PODN: variants seen among roughly 807,000 people sequenced by gnomAD.
The protein encoded by PODN is podocan proteoglycan.
PODN carries 40 observed loss-of-function variants against 52.7 expected under a neutral mutation model. The observed-to-expected ratio is 0.76, with a 90% CI of 0.59 to 0.99. The LOEUF (loss-of-function observed/expected upper bound fraction) is 0.99. Among genes scored for constraint, PODN ranks in the 50% least tolerant of loss-of-function variants. The pLI is 0.00. For synonymous variants in PODN, 396 were observed against 377.9 expected (o/e 1.05, Z -0.56); for missense variants, 720 against 815.1 (o/e 0.88, Z 1.42).
At chr1:53,063,396 C>A (rs1031698388) in intron 1 of PODN, 24 of 985,668 alleles carry the variant, frequency 2.4e-5, no homozygotes, top group Non-Finnish European at 2.9e-5. Flanking sequence ...GTCTGCCCTG[C>A]TCCACGAGGC....
At chr1:53,083,220 T>G in intron 10 of PODN, among the ~76,000 whole-genome samples, 1 of 150,908 alleles carries the variant, frequency 6.6e-6, no homozygotes, top group African/African-American at 2.4e-5. Context: ...AGGGCAGAGG[T>G]GGGAATGGAG....
Position 53,069,811 on chromosome 1 carries a change from C to T in PODN, c.-45C>T, listed in dbSNP as rs766075943. ...CACTGTACCTCACAGGTTCCGTCAG[C>T]CCTGGCGCCCAGGCGCATCTGACTC... On this transcript the variant is annotated 5_prime_UTR_variant, in exon 2 of 11. Coordinates refer to ENST00000312553, the MANE Select transcript of PODN (RefSeq NM_153703.5). The T allele has an allele frequency of 7.0e-6, 11 of 1,581,218 alleles. No homozygotes were observed. The African/African-American group carries it at 1.2e-4, about 17-fold the overall frequency.
intron 1 of PODN, among the ~76,000 whole-genome samples, chr1:53,068,194 T>A (rs1644061108): frequency 6.6e-6 from 1 of 152,200 alleles, no homozygotes; most frequent in Non-Finnish European, 1.5e-5. Flanking sequence ...ATGATTGTAG[T>A]CACATAAGAG....
At position 53,069,853 on chromosome 1, in the gene PODN, A is replaced by C; in HGVS notation, c.-3A>C. 1 of 1,575,038 alleles carries C rather than the reference A, an allele frequency of 6.3e-7. No individual in the cohort carries two copies. The highest frequency in any genetic ancestry group is 8.6e-7 in the Non-Finnish European group (1 of 1,160,748). The stretch of plus-strand genomic sequence containing the variant: ...ATCTGACTCGGCACCCCCTGCAGGC[A>C]CCATGGCCCAGAGCCGGGTGCTGCT... On this transcript the variant is annotated 5_prime_UTR_variant, in exon 2 of 11. Coordinates refer to ENST00000312553, the MANE Select transcript of PODN (RefSeq NM_153703.5).
In PODN at chr1:53,077,371, G is replaced by A. The variant is rs773296706; in HGVS notation, c.738+25G>A. The A allele has an allele frequency of 3.7e-6, 6 of 1,610,850 alleles. No homozygotes were observed. In the Admixed American group the frequency reaches 1.0e-4, roughly 27 times the overall value. ...GGTGGGCAGGGGAGGGGTAAGGAGG[G>A]GCACAGCAGACCCCACAGCCAGGGC... On this transcript the variant is annotated intron_variant, in intron 6 of 10. Transcript: ENST00000312553.
rs1313348883 is a variant in PODN, at chr1:53,078,840, A to C, written c.1330A>C (p.Thr444Pro). 2 of 1,612,718 alleles carry C rather than the reference A, an allele frequency of 1.2e-6. No homozygotes were observed. Among genetic ancestry groups the C allele is most frequent in the Non-Finnish European group, 1.7e-6 (2 of 1,179,668 alleles). The change falls in exon 8 of 11, where the codon ACG (threonine) becomes CCG (proline). Residue 444 changes from threonine to proline, a missense_variant. By Grantham distance (38) the Thr-to-Pro change is conservative (BLOSUM62 -1). Coordinates refer to ENST00000312553, the MANE Select transcript of PODN (RefSeq NM_153703.5). ...SLDLSGNRLH[T>P]LPPGLPRNVH... ...GGACCTGTCGGGCAACCGGCTGCAC[A>C]CGCTGCCACCTGGGCTGCCTCGAAA...
intron 4 of PODN, 21 bp from the exon 5 acceptor site, chr1:53,075,840 GC>G (rs1384494670): frequency 6.4e-7 from 1 of 1,567,960 alleles, no homozygotes; most frequent in Non-Finnish European, 8.7e-7. Context: ...TGCTCTTTCG[GC>G]CCCAACTCTT....
intron 10 of PODN, among the ~76,000 whole-genome samples, chr1:53,082,909 C>T (rs1271110340): frequency 2.6e-5 from 4 of 152,194 alleles, no homozygotes; most frequent in Admixed American, 1.3e-4. Flanking sequence ...AACACCCATG[C>T]GTACCCACGT....
At chr1:53,078,145 T>C (rs970517321) in intron 7 of PODN, among the ~76,000 whole-genome samples, 2 of 152,162 alleles carry the variant, frequency 1.3e-5, no homozygotes, top group Non-Finnish European at 2.9e-5. Context: ...TAAATAGTGG[T>C]CTTCAAGTAA....
intron 7 of PODN, 44 bp from the exon 8 acceptor site, chr1:53,078,321 A>G: frequency 2.6e-6 from 4 of 1,547,620 alleles, no homozygotes; most frequent in Non-Finnish European, 3.5e-6. Flanking sequence ...AAACGAGCAC[A>G]ATGTGGGCTC....
At chr1:53,066,652 T>C (rs903862176) in intron 1 of PODN, among the ~76,000 whole-genome samples, 2 of 152,158 alleles carry the variant, frequency 1.3e-5, no homozygotes, top group African/African-American at 2.4e-5. Context: ...CAGCGTAGCA[T>C]TGTTGATATG....
intron 9 of PODN, among the ~76,000 whole-genome samples, chr1:53,081,637 C>T (rs976460816): frequency 2.6e-5 from 4 of 152,226 alleles, no homozygotes; most frequent in South Asian, 2.1e-4. Flanking sequence ...CCCTGGCTAC[C>T]GCAGCCCAGG....
chr1:53,074,808 C>CGGGGGGGGGGGGGGGGG, intron 4 of PODN, 138 bp downstream of exon 4: 1 of 476,812 alleles, frequency 2.1e-6, no homozygotes, highest in South Asian at 2.6e-5. Context: ...GGCCCTGGGT[C>CGGGGGGGGGGGGGGGGG]GGGGGTGGGG....
At chr1:53,069,421 G>A (rs1316735494) in intron 1 of PODN, among the ~76,000 whole-genome samples, 2 of 152,232 alleles carry the variant, frequency 1.3e-5, no homozygotes, top group Admixed American at 1.3e-4. Flanking sequence ...GACGCACCCT[G>A]CCAGTGCTGG....
rs1310865391 is a variant in PODN at position 53,082,176 on chromosome 1, A to G, written c.*15A>G. On this transcript the variant is annotated 3_prime_UTR_variant, in exon 10 of 11. Coordinates refer to ENST00000312553, the MANE Select transcript of PODN (RefSeq NM_153703.5). ...AAACAAGATAGTGACAAGGTGATGC[A>G]GATGTGACCTAGGTATGTGGCCTGT... 1.3e-6 allele frequency: 2 copies of G among 1,585,602 alleles called. No individual in the cohort carries two copies. Among genetic ancestry groups the G allele is most frequent in the East Asian group, 2.3e-5 (1 of 44,162 alleles).
chr1:53,074,563 G>A (rs1022058975), intron 3 of PODN, 43 bp from the exon 4 acceptor site: 14 of 1,610,688 alleles, frequency 8.7e-6, no homozygotes, highest in Admixed American at 1.7e-5. Context: ...TCCCTGTGGC[G>A]TCTCCTCCAT....
rs769681114 is a variant in PODN, at chr1:53,082,166, A to G, written c.*5A>G. ...GAGGAAGAGGAAACAAGATAGTGAC[A>G]AGGTGATGCAGATGTGACCTAGGTA... On this transcript the variant is annotated 3_prime_UTR_variant, in exon 10 of 11. Transcript: ENST00000312553. 10 of 1,595,894 alleles carry G rather than the reference A, an allele frequency of 6.3e-6. No homozygotes were observed. In the African/African-American group the frequency reaches 1.3e-4, roughly 21 times the overall value.
chr1:53,064,702 C>A (rs2150290306), intron 1 of PODN, among the ~76,000 whole-genome samples: 1 of 152,340 alleles, frequency 6.6e-6, no homozygotes, highest in Middle Eastern at 3.4e-3. Flanking sequence ...GTAACAGTAA[C>A]CCCTGGTATG....
rs1241050350 is a variant in PODN at position 53,084,646 on chromosome 1, T to C, written c.*161T>C. ...CATGACACGGGCTGACACAGTCTCA[T>C]ATCCCCACCCCTTCCCACGGCGTGT... On this transcript the variant is annotated 3_prime_UTR_variant, in exon 11 of 11. Coordinates refer to ENST00000312553, the MANE Select transcript of PODN (RefSeq NM_153703.5). The C allele has an allele frequency of 1.3e-5, 2 of 152,522 alleles. No homozygotes were observed. The highest frequency in any genetic ancestry group is 4.8e-5 in the African/African-American group (2 of 41,374). 9.4% of individuals were successfully genotyped at this position (152,522 alleles called of 1,614,324 possible).
Sources: allele counts gnomAD v4.1 joint callset (sites outside exome capture counted in the v4.1 genomes callset), GRCh38; gene constraint gnomAD v4.1.1; transcripts MANE v1.5; gene names NCBI Gene and HGNC (gene_info 2026-07-23, HGNC 2026-07-21).